SOX5: variants seen among roughly 807,000 people sequenced by gnomAD.
The protein encoded by SOX5 is SRY-box transcription factor 5, also known as transcription factor SOX-5.
A neutral mutation model predicts 92.0 loss-of-function variants in SOX5; 9 were observed. The ratio of observed to expected loss-of-function variants is 0.10; its 90% CI spans 0.06 to 0.17. The LOEUF (loss-of-function observed/expected upper bound fraction) is 0.17. SOX5 is among the 10% of genes least tolerant of loss of function. The pLI is 1.00. For missense variants in SOX5, 642 were observed against 944.5 expected (o/e 0.68, Z 4.20); for synonymous variants, 344 against 336.3 (o/e 1.02, Z -0.25).
chr12:24,125,166 A>G (rs751811363), intron 4 of SOX5, among the ~76,000 whole-genome samples: 1 of 152,234 alleles, frequency 6.6e-6, no homozygotes, highest in Non-Finnish European at 1.5e-5. Context: ...AATTTATTAC[A>G]TAGGCCAAAC....
intron 2 of SOX5, among the ~76,000 whole-genome samples, chr12:24,301,821 A>T (rs1412863494): frequency 6.6e-6 from 1 of 152,218 alleles, no homozygotes; most frequent in Non-Finnish European, 1.5e-5. Flanking sequence ...CGTCAGGGAT[A>T]AAATGACTAT....
intron 2 of SOX5, among the ~76,000 whole-genome samples, chr12:24,313,416 G>A (rs1002328841): frequency 6.6e-6 from 1 of 152,098 alleles, no homozygotes; most frequent in Admixed American, 6.6e-5. Flanking sequence ...TGTATTCCCA[G>A]CTACTCAGAA....
At chr12:23,791,186 C>T (rs1254813472) in intron 3 of SOX5, among the ~76,000 whole-genome samples, 1 of 152,224 alleles carries the variant, frequency 6.6e-6, no homozygotes, top group South Asian at 2.1e-4. Context: ...ACACAAAACA[C>T]TTTCTTGGGT....
At chr12:24,408,131 C>T (rs1018484882) in intron 1 of SOX5, among the ~76,000 whole-genome samples, 1 of 152,026 alleles carries the variant, frequency 6.6e-6, no homozygotes, top group Non-Finnish European at 1.5e-5. Flanking sequence ...CTAAGCGTGT[C>T]CAGGAACAGC....
rs2096254635 is a variant in SOX5 at position 23,827,708 on chromosome 12, C to A, written c.481+18275G>T. 2.6e-5 allele frequency among the ~76,000 whole-genome samples: 4 copies of A among 152,102 alleles called. No individual in the cohort carries two copies. In the South Asian group the frequency reaches 8.3e-4, roughly 32 times the overall value. ...ATGAGCTGCATGCTCACATAAAAGA[C>A]AGAGGATATAGGTTAATAGATGGAT... On this transcript the variant is annotated intron_variant, in intron 3 of 14. Coordinates refer to ENST00000451604, the MANE Select transcript of SOX5 (RefSeq NM_006940.6).
At chr12:23,949,742 C>A, upstream of SOX5, 1 of 1,090,160 alleles carries the variant, frequency 9.2e-7, no homozygotes. Context: ...CTCTCTCTCT[C>A]TCTCTCTCTC....
At chr12:23,925,063 T>C (rs1209444577) in intron 1 of SOX5, among the ~76,000 whole-genome samples, 4 of 152,100 alleles carry the variant, frequency 2.6e-5, no homozygotes, top group Non-Finnish European at 5.9e-5. Context: ...TCATGTATCA[T>C]GCCAACAAAT....
intron 2 of SOX5, among the ~76,000 whole-genome samples, chr12:24,289,970 A>G (rs978451646): frequency 5.3e-5 from 8 of 152,162 alleles, no homozygotes; most frequent in African/African-American, 1.9e-4. Context: ...TTCAATCACC[A>G]TGTGGGAATC....
intron 13 of SOX5, among the ~76,000 whole-genome samples, chr12:23,540,835 C>T (rs1418686634): frequency 6.6e-6 from 1 of 152,186 alleles, no homozygotes; most frequent in African/African-American, 2.4e-5. Context: ...CTGTTTTAAG[C>T]AGAATGAATT....
intron 11 of SOX5, among the ~76,000 whole-genome samples, chr12:23,550,268 A>T (rs1943941704): frequency 6.6e-6 from 1 of 151,932 alleles, no homozygotes; most frequent in Non-Finnish European, 1.5e-5. Context: ...AGGTTAGAAA[A>T]TAATGAGTTT....
chr12:24,225,728 T>TA, intron 3 of SOX5, among the ~76,000 whole-genome samples: 1 of 152,230 alleles, frequency 6.6e-6, no homozygotes, highest in Non-Finnish European at 1.5e-5. Flanking sequence ...GTTATATTTT[T>TA]AATGATTGTA....
intron 2 of SOX5, among the ~76,000 whole-genome samples, chr12:24,328,595 T>G (rs146676826): frequency 2.1e-4 from 32 of 152,328 alleles, no homozygotes; most frequent in African/African-American, 7.7e-4. Flanking sequence ...GTAGTGGAGC[T>G]GCTACTCAGA....
intron 4 of SOX5, among the ~76,000 whole-genome samples, chr12:24,005,013 G>A (rs980589318): frequency 6.6e-6 from 1 of 152,074 alleles, no homozygotes; most frequent in Non-Finnish European, 1.5e-5. Context: ...GGCAAAGCCA[G>A]AAGACTACAT....
At chr12:24,388,466 T>TCTC (rs1566046425) in intron 1 of SOX5, among the ~76,000 whole-genome samples, 1 of 152,092 alleles carries the variant, frequency 6.6e-6, no homozygotes, top group Non-Finnish European at 1.5e-5. Flanking sequence ...CGGTGATGTC[T>TCTC]CTCCATTCAG....
At chr12:24,226,494 AG>A (rs1962014818) in intron 3 of SOX5, among the ~76,000 whole-genome samples, 1 of 151,840 alleles carries the variant, frequency 6.6e-6, no homozygotes, top group East Asian at 1.9e-4. Flanking sequence ...ATTTTGAGAT[AG>A]AATCTCACTC....
At chr12:23,568,005 G>T (rs749258614) in intron 10 of SOX5, among the ~76,000 whole-genome samples, 1 of 152,104 alleles carries the variant, frequency 6.6e-6, no homozygotes, top group Non-Finnish European at 1.5e-5. Flanking sequence ...CTGCCCAAAA[G>T]ATATATCCAA....
chr12:24,463,364 G>A (rs1024498745), intron 1 of SOX5, among the ~76,000 whole-genome samples: 7 of 152,094 alleles, frequency 4.6e-5, no homozygotes, highest in African/African-American at 1.2e-4. Flanking sequence ...AGCTAAGTTC[G>A]AAAGCAAAGA....
At chr12:24,249,744 A>G (rs1353480927) in intron 3 of SOX5, among the ~76,000 whole-genome samples, 1 of 152,232 alleles carries the variant, frequency 6.6e-6, no homozygotes, top group African/African-American at 2.4e-5. Context: ...GAAATAAAAC[A>G]GATCATCCCA....
intron 1 of SOX5, among the ~76,000 whole-genome samples, chr12:23,922,786 A>C (rs1294425287): frequency 6.6e-6 from 1 of 152,224 alleles, no homozygotes; most frequent in Non-Finnish European, 1.5e-5. Flanking sequence ...TGAGGAAATA[A>C]AGATTAATGA....
Sources: allele counts gnomAD v4.1 joint callset (sites outside exome capture counted in the v4.1 genomes callset), GRCh38; gene constraint gnomAD v4.1.1; transcripts MANE v1.5; gene names NCBI Gene and HGNC (gene_info 2026-07-23, HGNC 2026-07-21).